Variants in STARD13 observed in about 807,000 individuals in gnomAD.
STARD13 encodes the protein StAR related lipid transfer domain containing 13, also known as stAR-related lipid transfer protein 13.
A neutral mutation model predicts 106.4 loss-of-function variants in STARD13; 62 were observed. The observed-to-expected ratio is 0.58, with a 90% CI of 0.48 to 0.72. The LOEUF (loss-of-function observed/expected upper bound fraction) is 0.72, where lower values mean the gene tolerates loss of function less well. Ranked by LOEUF, STARD13 falls within the 30% of genes least tolerant of loss-of-function variation. The pLI, the probability that STARD13 is intolerant of heterozygous loss-of-function variation, is 0.00. For missense variants in STARD13, 1,387 were observed against 1,424.0 expected, an observed-to-expected ratio of 0.97 and a Z score of 0.42; for synonymous variants, 565 against 553.0, an observed-to-expected ratio of 1.02 and a Z score of -0.31.
the STARD13 span, among the ~76,000 whole-genome samples, chr13:33,659,231 T>TC: frequency 1.5e-5 from 1 of 68,300 alleles, no homozygotes; most frequent in Non-Finnish European, 4.1e-5. Context: ...TTTTTTTTTT[T>TC]TTTTTATGAA....
chr13:33,141,873 G>C (rs1016966843), intron 4 of STARD13, among the ~76,000 whole-genome samples: 1 of 151,760 alleles, frequency 6.6e-6, no homozygotes, highest in South Asian at 2.1e-4. Context: ...ACATCTTTAC[G>C]CAAACCCTCT....
chr13:33,499,594 CTTCTTCTTCTTTCTTCTTCTTCTT>C, the STARD13 span, among the ~76,000 whole-genome samples: 2 of 60,786 alleles, frequency 3.3e-5, no homozygotes, highest in Non-Finnish European at 6.8e-5. Context: ...TCTTCTTCTT[CTTCTTCTTCTTTCTTCTTCTTCTT>C]CTTCTTCTTC....
At chr13:33,330,872 T>C (rs2077828458) in intron 1 of STARD13, among the ~76,000 whole-genome samples, 1 of 152,162 alleles carries the variant, frequency 6.6e-6, no homozygotes, top group African/African-American at 2.4e-5. Flanking sequence ...AAGCCTTCTT[T>C]AAAAGCCATG....
At chr13:33,392,572 G>C in the STARD13 span, among the ~76,000 whole-genome samples, 1 of 151,538 alleles carries the variant, frequency 6.6e-6, no homozygotes, top group Admixed American at 6.6e-5. Context: ...GCTAATTTTT[G>C]TTCTTTTAGT....
chr13:33,343,578 A>T (rs934559343), intron 1 of STARD13, among the ~76,000 whole-genome samples: 6 of 47,022 alleles, frequency 1.3e-4, no homozygotes, highest in African/African-American at 7.9e-4. Flanking sequence ...ACCCTGTCTT[A>T]AAAAAAAAAA....
At chr13:33,474,667 GT>G in the STARD13 span, among the ~76,000 whole-genome samples, 1 of 152,240 alleles carries the variant, frequency 6.6e-6, no homozygotes, top group South Asian at 2.1e-4. Flanking sequence ...ATACACTTCT[GT>G]CTGGGTTTTG....
chr13:33,402,911 C>T, the STARD13 span, among the ~76,000 whole-genome samples: 4 of 152,332 alleles, frequency 2.6e-5, no homozygotes, highest in South Asian at 2.1e-4. Flanking sequence ...AATAAAACCC[C>T]GCATTCATCC....
the STARD13 span, among the ~76,000 whole-genome samples, chr13:33,482,692 C>T: frequency 1.3e-5 from 2 of 152,092 alleles, no homozygotes; most frequent in Non-Finnish European, 2.9e-5. Flanking sequence ...AAAAATGCAT[C>T]TTTTAATGTG....
At chr13:33,416,151 T>C in the STARD13 span, among the ~76,000 whole-genome samples, 1 of 152,240 alleles carries the variant, frequency 6.6e-6, no homozygotes, top group South Asian at 2.1e-4. Context: ...TTTATATCCA[T>C]AGTGTGTACT....
At chr13:33,194,742 G>A (rs1886494673) in intron 1 of STARD13, among the ~76,000 whole-genome samples, 1 of 152,178 alleles carries the variant, frequency 6.6e-6, no homozygotes, top group East Asian at 1.9e-4. Context: ...GGCTTCTTTG[G>A]AGAAAGTGAA....
At chr13:33,446,018 T>C in the STARD13 span, among the ~76,000 whole-genome samples, 1 of 152,164 alleles carries the variant, frequency 6.6e-6, no homozygotes, top group Non-Finnish European at 1.5e-5. Flanking sequence ...GTACAAATTA[T>C]ACATAAAAAG....
chr13:33,176,070 G>A (rs1194277622), intron 1 of STARD13, among the ~76,000 whole-genome samples: 1 of 152,168 alleles, frequency 6.6e-6, no homozygotes, highest in African/African-American at 2.4e-5. Context: ...GGGTTGACAT[G>A]GCAAGATAGA....
the STARD13 span, among the ~76,000 whole-genome samples, chr13:33,532,466 TA>T: frequency 6.6e-6 from 1 of 152,214 alleles, no homozygotes; most frequent in Non-Finnish European, 1.5e-5. Context: ...ATGTAACTTC[TA>T]ATCTTTTTTA....
the STARD13 span, among the ~76,000 whole-genome samples, chr13:33,468,004 A>G: frequency 1.3e-5 from 2 of 152,178 alleles, no homozygotes; most frequent in Admixed American, 1.3e-4. Flanking sequence ...GATAAAATTG[A>G]TGCATCATCT....
chr13:33,261,780 C>T (rs1890651260), intron 1 of STARD13, among the ~76,000 whole-genome samples: 1 of 152,066 alleles, frequency 6.6e-6, no homozygotes, highest in South Asian at 2.1e-4. Flanking sequence ...TTCTCCAGCA[C>T]AAAAGGGGAT....
the STARD13 span, among the ~76,000 whole-genome samples, chr13:33,583,359 C>G: frequency 6.6e-6 from 1 of 152,180 alleles, no homozygotes; most frequent in Non-Finnish European, 1.5e-5. Flanking sequence ...GATGATTATC[C>G]TACCGAAGGA....
the STARD13 span, among the ~76,000 whole-genome samples, chr13:33,462,030 A>G: frequency 6.6e-6 from 1 of 152,218 alleles, no homozygotes; most frequent in Non-Finnish European, 1.5e-5. Context: ...TCTTCTCTCC[A>G]TATTAACACT....
chr13:33,613,157 A>C, the STARD13 span, among the ~76,000 whole-genome samples: 1 of 152,194 alleles, frequency 6.6e-6, no homozygotes, highest in Non-Finnish European at 1.5e-5. Context: ...TAGGAATAAA[A>C]ATACTTTGCA....
chr13:33,362,228 G>C, the STARD13 span, among the ~76,000 whole-genome samples: 1 of 152,102 alleles, frequency 6.6e-6, no homozygotes, highest in Non-Finnish European at 1.5e-5. Context: ...GAAGGGGAAG[G>C]GGGCAGAAGG....
Sources: gnomAD v4.1 joint callset for allele counts (sites outside exome capture counted in the v4.1 genomes callset) on GRCh38, gnomAD v4.1.1 for gene constraint, MANE v1.5 for transcripts, NCBI Gene and HGNC (gene_info 2026-07-23, HGNC 2026-07-21) for gene names.